The following CDH4 variants were observed in gnomAD, a reference collection of about 807,000 sequenced individuals.
CDH4 encodes cadherin-4.
CDH4 carries 33 observed loss-of-function variants against 86.0 expected under a neutral mutation model. The observed-to-expected ratio is 0.38, with a 90% confidence interval of 0.29 to 0.51. The LOEUF (loss-of-function observed/expected upper bound fraction) is 0.51. Ranked by LOEUF, CDH4 falls within the 20% of genes least tolerant of loss-of-function variation. CDH4 has a pLI of 0.86. For missense variants in CDH4, 1,114 were observed against 1,307.4 expected, an observed-to-expected ratio of 0.85 and a Z score of 2.28; for synonymous variants, 555 against 549.4, an observed-to-expected ratio of 1.01 and a Z score of -0.14.
At position 61,647,556 on chromosome 20, in the gene CDH4, T is replaced by TCTCTCTCTCTCTCTCTCTCTCTCC. The variant is rs1568731977; in HGVS notation, c.170-96006_170-96005insTCTCTCTCTCTCTCTCTCTCTCCC. Among the ~76,000 whole-genome samples, 41 of 105,878 alleles carry TCTCTCTCTCTCTCTCTCTCTCTCC rather than the reference T, an allele frequency of 3.9e-4. 5 individuals carry two copies. The highest frequency in any genetic ancestry group is 1.4e-3 in the African/African-American group (40 of 28,728). 69.5% of individuals were successfully genotyped at this position (105,878 alleles called of 152,430 possible). A position where few individuals can be genotyped will look rare whatever the true frequency, so the allele number is the denominator to read the frequency against. ...CTCCCTCTCCCTCTCCCTCTCCCTC[T>TCTCTCTCTCTCTCTCTCTCTCTCC]CCCTCTCCCTCTCCCTCCCTCCCCC... On this transcript the variant is annotated intron_variant, in intron 2 of 15. Transcript: ENST00000614565.
intron 2 of CDH4, among the ~76,000 whole-genome samples, chr20:61,354,711 C>T (rs1421451346): frequency 4.6e-5 from 7 of 152,232 alleles, no homozygotes; most frequent in Admixed American, 6.5e-5. Flanking sequence ...CCACATTGCT[C>T]GGCCAAGGTT....
At chr20:61,589,273 G>A (rs968465082) in intron 2 of CDH4, among the ~76,000 whole-genome samples, 7 of 152,182 alleles carry the variant, frequency 4.6e-5, no homozygotes, top group South Asian at 4.1e-4. Flanking sequence ...TAAAAAACAC[G>A]AGGCTTCCTT....
chr20:61,760,908 A>G (rs2088625835), intron 3 of CDH4, among the ~76,000 whole-genome samples: 2 of 152,206 alleles, frequency 1.3e-5, no homozygotes, highest in African/African-American at 2.4e-5. Context: ...CTGACTTACA[A>G]TGGCTCACAT....
chr20:61,473,802 C>T (rs1056712099), intron 2 of CDH4, among the ~76,000 whole-genome samples: 8 of 152,086 alleles, frequency 5.3e-5, no homozygotes, highest in Middle Eastern at 3.4e-3. Context: ...CACTCACAGA[C>T]GCACACAGAC....
intron 2 of CDH4, among the ~76,000 whole-genome samples, chr20:61,549,911 C>T (rs770136664): frequency 1.2e-4 from 19 of 152,176 alleles, no homozygotes; most frequent in Non-Finnish European, 2.6e-4. Context: ...TCAGCTGCCA[C>T]CCCCCTCAGT....
intron 2 of CDH4, among the ~76,000 whole-genome samples, chr20:61,401,150 C>A (rs1047250427): frequency 6.6e-6 from 1 of 152,212 alleles, no homozygotes; most frequent in African/African-American, 2.4e-5. Flanking sequence ...GAAGTGACAA[C>A]CTTTAGGAGG....
intron 2 of CDH4, among the ~76,000 whole-genome samples, chr20:61,615,156 T>C (rs1230906873): frequency 6.6e-6 from 1 of 151,766 alleles, no homozygotes; most frequent in African/African-American, 2.4e-5. Flanking sequence ...AGAGTCTCAC[T>C]CTGTCACCCA....
chr20:61,880,432 G>A (rs1984226749), intron 7 of CDH4, among the ~76,000 whole-genome samples: 1 of 152,200 alleles, frequency 6.6e-6, no homozygotes, highest in Non-Finnish European at 1.5e-5. Context: ...ACCCACCTCG[G>A]GCCGGATTTG....
chr20:61,579,795 C>T (rs1008700125), intron 2 of CDH4, among the ~76,000 whole-genome samples: 2 of 152,128 alleles, frequency 1.3e-5, no homozygotes, highest in African/African-American at 4.8e-5. Context: ...CCCACTGAAA[C>T]TTCAGTAAAA....
At chr20:61,404,569 T>C (rs936107548) in intron 2 of CDH4, among the ~76,000 whole-genome samples, 2 of 152,116 alleles carry the variant, frequency 1.3e-5, no homozygotes, top group African/African-American at 4.8e-5. Flanking sequence ...CCACTTGCAT[T>C]GAGGCACAGA....
chr20:61,701,085 G>A (rs1465321587), intron 2 of CDH4, among the ~76,000 whole-genome samples: 1 of 152,136 alleles, frequency 6.6e-6, no homozygotes, highest in African/African-American at 2.4e-5. Flanking sequence ...GAGCTCGGAG[G>A]GAAGACTCTG....
At chr20:61,341,554 T>C (rs1052372320) in intron 2 of CDH4, among the ~76,000 whole-genome samples, 4 of 151,600 alleles carry the variant, frequency 2.6e-5, no homozygotes, top group Admixed American at 2.0e-4. Context: ...GAAATGGTGT[T>C]GAGAAAGGAG....
At chr20:61,797,088 C>T (rs897179238) in intron 4 of CDH4, among the ~76,000 whole-genome samples, 1 of 151,182 alleles carries the variant, frequency 6.6e-6, no homozygotes, top group Non-Finnish European at 1.5e-5. Context: ...GAAGAGCCCC[C>T]CCCCCCCCAA....
At chr20:61,823,021 G>A (rs1315964248) in intron 4 of CDH4, among the ~76,000 whole-genome samples, 12 of 152,174 alleles carry the variant, frequency 7.9e-5, no homozygotes, top group Non-Finnish European at 1.8e-4. Context: ...GAGTTAGCTA[G>A]GGCGACCATG....
intron 2 of CDH4, among the ~76,000 whole-genome samples, chr20:61,652,748 CCCAAGGGTTAT>C (rs887781859): frequency 1.1e-4 from 17 of 150,780 alleles, no homozygotes; most frequent in African/African-American, 3.9e-4. Flanking sequence ...TGGGTAGATT[CCCAAGGGTTAT>C]ACTTAGGAAT....
At chr20:61,828,688 C>G (rs931335648) in intron 4 of CDH4, among the ~76,000 whole-genome samples, 25 of 152,224 alleles carry the variant, frequency 1.6e-4, no homozygotes, top group African/African-American at 5.8e-4. Context: ...GGCTCAGCTC[C>G]CAGTCTCTGC....
At chr20:61,435,384 C>A (rs1027555859) in intron 2 of CDH4, among the ~76,000 whole-genome samples, 2 of 152,242 alleles carry the variant, frequency 1.3e-5, no homozygotes, top group African/African-American at 4.8e-5. Context: ...TGGGGCATGG[C>A]TTCTGAGACT....
At chr20:61,384,727 T>C (rs564885326) in intron 2 of CDH4, among the ~76,000 whole-genome samples, 25 of 152,286 alleles carry the variant, frequency 1.6e-4, no homozygotes, top group South Asian at 4.1e-4. Context: ...TTATAAATTC[T>C]CTATTTTTCA....
At position 61,254,916 on chromosome 20, in the gene CDH4, G is replaced by C; in HGVS notation, c.148G>C (p.Glu50Gln). Reference sequence around the variant, plus strand: ...GGCATTAATCTCCCAAAATATTCTAGAAGGGGAAAAGCTACTTCAAGGTAA... The same window carrying C: ...GGCATTAATCTCCCAAAATATTCTACAAGGGGAAAAGCTACTTCAAGGTAA... ...YTALISQNIL[E>Q]GEKLLQVKFS... The change falls in exon 2 of 16, where the codon GAA becomes CAA. Residue 50 changes from glutamate to glutamine, a missense_variant. Physicochemically the swap from Glu to Gln is conservative, Grantham distance 29. Around this residue, in one of 3 missense-constraint regions of CDH4, gnomAD observed 221 missense variants for 209.5 expected, o/e 1.05. Coordinates refer to ENST00000614565, the MANE Select transcript of CDH4 (RefSeq NM_001794.5). 6.2e-7 allele frequency: 1 copy of C among 1,609,194 alleles called. No individual in the cohort carries two copies. The highest frequency in any genetic ancestry group is 8.5e-7 in the Non-Finnish European group (1 of 1,175,590).
Sources: gnomAD v4.1 joint callset for allele counts (sites outside exome capture counted in the v4.1 genomes callset) on GRCh38, gnomAD v4.1.1 for gene constraint, gnomAD v4.1.1 regional missense constraint, MANE v1.5 for transcripts, NCBI Gene and HGNC (gene_info 2026-07-23, HGNC 2026-07-21) for gene names.